Variants in PLCD1 observed in about 807,000 individuals in gnomAD.
PLCD1 encodes the protein 1-phosphatidylinositol 4,5-bisphosphate phosphodiesterase delta-1.
A neutral mutation model predicts 87.4 loss-of-function variants in PLCD1; 71 were observed. That is an observed-to-expected ratio of 0.81 (90% CI 0.67 to 0.99). PLCD1 has a LOEUF of 0.99. Ranked by LOEUF, PLCD1 falls within the 50% of genes least tolerant of loss-of-function variation. The pLI, the probability that PLCD1 is intolerant of heterozygous loss-of-function variation, is 0.00. For missense variants in PLCD1, 867 were observed against 1,001.5 expected, an observed-to-expected ratio of 0.87 and a Z score of 1.81; for synonymous variants, 348 against 399.2, an observed-to-expected ratio of 0.87 and a Z score of 1.53.
chr3:38,009,542 G>T, intron 9 of PLCD1, 111 bp from the exon 10 acceptor site: 1 of 1,550,598 alleles, frequency 6.4e-7, no homozygotes, highest in East Asian at 2.3e-5. Flanking sequence ...CAGAGAGAGC[G>T]GGGCAGAGGG....
chr3:38,010,033 G>A lies in PLCD1; in HGVS notation c.1158C>T (p.Ile386=). Residue 386 remains isoleucine (I), a synonymous_variant, in exon 8 of 15, where the codon ATC becomes ATT. Coordinates refer to ENST00000334661, the MANE Select transcript of PLCD1 (RefSeq NM_006225.4). The part of the protein sequence containing the change: ...YAFKASPYPV[I]LSLENHCTLE... The stretch of plus-strand genomic sequence containing the variant: ...GTGTGCAGTGGTTCTCCAGGGATAG[G>A]ATGACAGGGTAGGGGGACGCCTGGA... The A allele has an allele frequency of 6.2e-7, 1 of 1,614,222 alleles. No homozygotes were observed. Among genetic ancestry groups the A allele is most frequent in the Non-Finnish European group, 8.5e-7 (1 of 1,180,022 alleles).
Position 38,008,560 on chromosome 3 carries a change from C to A in PLCD1, c.1800G>T (p.Gly600=). ...GCAGGAAGGCGGGCTTCAGCACGTACCCACAGGCCCCGTTGTCCTGGAAGC... is the reference window on the plus strand; with the variant it reads ...GCAGGAAGGCGGGCTTCAGCACGTAACCACAGGCCCCGTTGTCCTGGAAGC... ...QGRFQDNGAC[G]YVLKPAFLRD... Residue 600 remains glycine (G), a synonymous_variant, in exon 12 of 15, where the codon GGG becomes GGT. Coordinates refer to ENST00000334661, the MANE Select transcript of PLCD1 (RefSeq NM_006225.4). 6.2e-7 allele frequency: 1 copy of A among 1,614,192 alleles called. No individual in the cohort carries two copies. The highest frequency in any genetic ancestry group is 2.2e-5 in the East Asian group (1 of 44,888).
Position 38,011,528 on chromosome 3 carries a change from C to T in PLCD1, c.558+16G>A. 6.2e-7 allele frequency: 1 copy of T among 1,614,114 alleles called. No homozygotes were observed. Among genetic ancestry groups the T allele is most frequent in the Admixed American group, 1.7e-5 (1 of 60,014 alleles). ...CCCCATGGACAGGCAGCCCCAGCCC[C>T]CACTTCCTGCCTCACCCTGAAGATC... On this transcript the variant is annotated intron_variant, in intron 4 of 14. Coordinates refer to ENST00000334661, the MANE Select transcript of PLCD1 (RefSeq NM_006225.4).
At chr3:38,028,976 C>CA (rs1700335042) in intron 1 of PLCD1, among the ~76,000 whole-genome samples, 1 of 152,266 alleles carries the variant, frequency 6.6e-6, no homozygotes. Flanking sequence ...CTGCGCTGGG[C>CA]AGTTAAGGCT....
Position 38,011,571 on chromosome 3 carries a change from G to A in PLCD1, c.531C>T (p.Asp177=), listed in dbSNP as rs368360654. 5.5e-5 allele frequency: 89 copies of A among 1,614,052 alleles called. No homozygotes were observed. The highest frequency in any genetic ancestry group is 5.2e-4 in the Admixed American group (31 of 60,004). Residue 177 remains aspartate (D), a synonymous_variant, in exon 4 of 15, where the codon GAC becomes GAT. Transcript: ENST00000334661. ...TGAAGATCTTCCGGGCATAGCTGTC[G>A]TCCACCTGGATGTTGAGCTCCTTCA... is the stretch of plus-strand genomic sequence containing the variant. ...NFLKELNIQV[D]DSYARKIFRE... is the part of the protein sequence containing the mutation.
intron 3 of PLCD1, among the ~76,000 whole-genome samples, chr3:38,013,743 C>A (rs1700117012): frequency 6.6e-6 from 1 of 152,140 alleles, no homozygotes; most frequent in African/African-American, 2.4e-5. Context: ...ATGAGACTGT[C>A]CAAGGTCAAG....
intron 2 of PLCD1, 144 bp from the exon 3 acceptor site, chr3:38,016,863 G>C (rs1700164537): frequency 4.2e-6 from 3 of 709,666 alleles, no homozygotes; most frequent in Non-Finnish European, 7.6e-6. Context: ...GAGTCCAGAA[G>C]GAAAGGAGAG....
intron 14 of PLCD1, 44 bp from the exon 15 acceptor site, chr3:38,007,902 T>C (rs377646790): frequency 6.2e-7 from 1 of 1,608,308 alleles, no homozygotes; most frequent in Non-Finnish European, 8.5e-7. Context: ...AGAGTTCTGG[T>C]CATTCGGCGG....
At chr3:38,021,602 G>T (rs1227510814) in intron 1 of PLCD1, among the ~76,000 whole-genome samples, 2 of 152,166 alleles carry the variant, frequency 1.3e-5, no homozygotes, top group Non-Finnish European at 2.9e-5. Context: ...CATCTATAAG[G>T]GCGTATGTGT....
At chr3:38,016,141 G>A (rs983530733) in intron 3 of PLCD1, among the ~76,000 whole-genome samples, 4 of 152,202 alleles carry the variant, frequency 2.6e-5, no homozygotes, top group African/African-American at 9.7e-5. Context: ...TAACTTGGTT[G>A]AGATGAGGTC....
chr3:38,011,258 G>C lies in PLCD1; in HGVS notation c.746C>G (p.Ala249Gly), dbSNP rs372208980. The C allele has an allele frequency of 6.2e-7, 1 of 1,611,198 alleles. No homozygotes were observed. The highest frequency in any genetic ancestry group is 8.5e-7 in the Non-Finnish European group (1 of 1,179,978). The part of the protein sequence containing the change: ...HQQREEAAGP[A>G]LALSLIERYE... The stretch of plus-strand genomic sequence containing the variant: ...GCGCTCAATGAGGGAGAGGGCCAGC[G>C]CAGGCCCTGCCGCCTCCTCCCGCTG... Residue 249 changes from alanine to glycine, a missense_variant, in exon 5 of 15, where the codon GCG (alanine) becomes GGG (glycine). Coordinates refer to ENST00000334661, the MANE Select transcript of PLCD1 (RefSeq NM_006225.4).
intron 9 of PLCD1, 52 bp from the exon 10 acceptor site, chr3:38,009,483 G>A: frequency 1.2e-6 from 2 of 1,600,602 alleles, no homozygotes; most frequent in African/African-American, 1.3e-5. Context: ...GGTAGGGTAG[G>A]CACTGAGAAA....
chr3:38,009,710 G>C lies in PLCD1; in HGVS notation c.1389C>G (p.Asp463Glu), dbSNP rs375010877. The C allele has an allele frequency of 2.5e-6, 4 of 1,614,002 alleles. No individual in the cohort carries two copies. Among genetic ancestry groups the C allele is most frequent in the Non-Finnish European group, 3.4e-6 (4 of 1,180,012 alleles). The change falls in exon 9 of 15, where the codon GAC (aspartate) becomes GAG (glutamate). Residue 463 changes from aspartate (D) to glutamate (E), a missense_variant. Asp to Glu is a conservative substitution (Grantham distance 45). Coordinates refer to ENST00000334661, the MANE Select transcript of PLCD1 (RefSeq NM_006225.4). ...CCTCATCCTCCATCTCAGCAGCCTC[G>C]TCTTCGTCTGACACCACAGTGGCCT... The part of the protein sequence containing the change: ...GPEATVVSDE[D>E]EAAEMEDEAV...
At chr3:38,026,140 AC>A (rs1453836008) in intron 1 of PLCD1, among the ~76,000 whole-genome samples, 2 of 152,008 alleles carry the variant, frequency 1.3e-5, no homozygotes, top group Non-Finnish European at 2.9e-5. Context: ...CAGACCAAAG[AC>A]CCCTCAAGAA....
At position 38,007,858 on chromosome 3, in the gene PLCD1, C is replaced by T; in HGVS notation, c.2186G>A (p.Gly729Glu). The T allele has an allele frequency of 6.2e-7, 1 of 1,613,996 alleles. No homozygotes were observed. Among genetic ancestry groups the T allele is most frequent in the Non-Finnish European group, 8.5e-7 (1 of 1,179,820 alleles). Residue 729 changes from glycine to glutamate, a missense_variant and splice_region_variant, in exon 15 of 15, where the codon GGA becomes GAA. Gly to Glu is a moderately conservative substitution (Grantham distance 98). Coordinates refer to ENST00000334661, the MANE Select transcript of PLCD1 (RefSeq NM_006225.4). ...AGACATGAGGTGGACATGGCGGTAT[C>T]CTGGTGGGTGGACAGGCAGGAGGGA... ...STIPLNSLKQ[G>E]YRHVHLMSKN...
At chr3:38,029,468 C>A (rs1249285003) in intron 1 of PLCD1, 38 bp downstream of exon 1, 2 of 1,530,964 alleles carry the variant, frequency 1.3e-6, no homozygotes. Context: ...GGGGTCCACC[C>A]CTGCAGGGTC....
chr3:38,010,098 A>C, intron 7 of PLCD1, 33 bp downstream of exon 7: 1 of 1,614,078 alleles, frequency 6.2e-7, no homozygotes, highest in Non-Finnish European at 8.5e-7. Flanking sequence ...CACCCCTAGC[A>C]TCCCACTCCT....
chr3:38,008,462 A>C lies in PLCD1; in HGVS notation c.1898T>G (p.Ile633Ser). 6.2e-7 allele frequency: 1 copy of C among 1,614,148 alleles called. No homozygotes were observed. The highest frequency in any genetic ancestry group is 8.5e-7 in the Non-Finnish European group (1 of 1,179,996). Residue 633 changes from isoleucine (I) to serine (S), a missense_variant, in exon 12 of 15, where the codon ATC becomes AGC. Ile to Ser is a moderately radical substitution (Grantham distance 142). Coordinates refer to ENST00000334661, the MANE Select transcript of PLCD1 (RefSeq NM_006225.4). ...GPWWARKRLN[I>S]RVISGQQLPK... is the part of the protein sequence containing the mutation. ...TCCCTCCTAGGTCCAGCGTACCCTG[A>C]TGTTGAGCCGCTTCCGTGCCCACCA... is the stretch of plus-strand genomic sequence containing the variant.
At position 38,009,763 on chromosome 3, in the gene PLCD1, G is replaced by A. The variant is rs200425413; in HGVS notation, c.1336C>T (p.Leu446=). The change falls in exon 9 of 15, where the codon CTG becomes TTG. Residue 446 remains leucine (L), a synonymous_variant. Coordinates refer to ENST00000334661, the MANE Select transcript of PLCD1 (RefSeq NM_006225.4). ...GGGCCACCCTCCCCTCCAGGGGGCAGGAGCCCCCCGAGCTTCTTCCCCTTC... is the reference window on the plus strand; with the variant it reads ...GGGCCACCCTCCCCTCCAGGGGGCAAGAGCCCCCCGAGCTTCTTCCCCTTC... The part of the protein sequence containing the change: ...LLKGKKLGGL[L]PPGGEGGPEA... 25 of 1,613,900 alleles carry A rather than the reference G, an allele frequency of 1.5e-5. No homozygotes were observed. The Admixed American group carries it at 3.7e-4, about 24-fold the overall frequency.
Sources: gnomAD v4.1 joint callset for allele counts (sites outside exome capture counted in the v4.1 genomes callset) on GRCh38, gnomAD v4.1.1 for gene constraint, MANE v1.5 for transcripts, NCBI Gene and HGNC (gene_info 2026-07-23, HGNC 2026-07-21) for gene names.